Variants in ZNF782 observed in about 807,000 individuals in gnomAD.
The protein encoded by ZNF782 is zinc finger protein 782.
Under a neutral mutation model 13.0 loss-of-function variants are expected in ZNF782, and 12 were observed. The observed-to-expected ratio is 0.92, with a 90% confidence interval of 0.59 to 1.50. The LOEUF (loss-of-function observed/expected upper bound fraction) is 1.50. ZNF782 is among the 40% of genes most tolerant of loss of function. ZNF782 has a pLI of 0.00. For missense variants in ZNF782, 770 were observed against 822.9 expected, an observed-to-expected ratio of 0.94 and a Z score of 0.79; for synonymous variants, 284 against 283.0, an observed-to-expected ratio of 1.00 and a Z score of -0.04.
upstream of ZNF782, chr9:96,875,659 G>A: frequency 2.2e-6 from 1 of 453,158 alleles, no homozygotes; most frequent in South Asian, 1.6e-5. Flanking sequence ...AGCTCCACCT[G>A]CGTCCCCGGG....
At chr9:96,885,634 A>C in the ZNF782 span, among the ~76,000 whole-genome samples, 11 of 152,314 alleles carry the variant, frequency 7.2e-5, no homozygotes, top group South Asian at 2.1e-3. Flanking sequence ...CAGATTGAAG[A>C]ATCTGAGTGA....
chr9:96,888,788 C>T, the ZNF782 span: 1 of 152,252 alleles, frequency 6.6e-6, no homozygotes, highest in Admixed American at 6.5e-5. Flanking sequence ...TGCTCAGCAG[C>T]CTCAGTGGGG....
intron 3 of ZNF782, among the ~76,000 whole-genome samples, chr9:96,859,520 C>G (rs7032889): frequency 0.17 from 25,971 of 152,034 alleles, 5,375 homozygotes; most frequent in African/African-American, 0.48. Flanking sequence ...CTCTGGGCTA[C>G]AAGGGAACCT....
intron 3 of ZNF782, among the ~76,000 whole-genome samples, chr9:96,845,499 C>T (rs1025725566): frequency 1.1e-4 from 16 of 152,168 alleles, no homozygotes; most frequent in African/African-American, 2.4e-4. Context: ...CCTCATGATC[C>T]GCCCACCTTG....
chr9:96,850,578 G>C lies in ZNF782; in HGVS notation c.15+1369C>G, dbSNP rs934238851. On this transcript the variant is annotated intron_variant, in intron 3 of 5. Coordinates refer to ENST00000481138, the MANE Select transcript of ZNF782 (RefSeq NM_001001662.3). The surrounding 1 kb of genome is among the most constrained non-coding windows in gnomAD (Gnocchi z 4.3). ...AATGTACACTACTTGTCAGACCACG[G>C]GTGAACTAAAATCTCAGAATTCACC... Among the ~76,000 whole-genome samples the C allele has an allele frequency of 2.6e-5, 4 of 151,904 alleles. No individual in the cohort carries two copies. The highest frequency in any genetic ancestry group is 6.6e-5 in the Admixed American group (1 of 15,262).
At chr9:96,839,177 T>C (rs905144857) in intron 4 of ZNF782, among the ~76,000 whole-genome samples, 5 of 151,804 alleles carry the variant, frequency 3.3e-5, no homozygotes, top group Non-Finnish European at 5.9e-5. Context: ...TTTTTTTCCA[T>C]AGTGTTTAGC....
At chr9:96,854,908 G>GA (rs1366600418), upstream of ZNF782, among the ~76,000 whole-genome samples, 6 of 147,160 alleles carry the variant, frequency 4.1e-5, no homozygotes, top group South Asian at 2.2e-4. Flanking sequence ...GAATTTTGTA[G>GA]AAATTTTTTT....
intron 4 of ZNF782, among the ~76,000 whole-genome samples, chr9:96,829,173 T>C (rs1478543194): frequency 2.7e-5 from 4 of 146,752 alleles, no homozygotes; most frequent in East Asian, 2.0e-4. Context: ...AGAAGAAAAA[T>C]GGTACTATGA....
chr9:96,821,734 C>T (rs932146091), intron 5 of ZNF782, among the ~76,000 whole-genome samples: 3 of 149,782 alleles, frequency 2.0e-5, no homozygotes, highest in Non-Finnish European at 4.4e-5. Context: ...TGCAGTGGTG[C>T]GATCTCGGCT....
At chr9:96,826,497 T>A (rs1326436735) in intron 5 of ZNF782, among the ~76,000 whole-genome samples, 1 of 152,194 alleles carries the variant, frequency 6.6e-6, no homozygotes, top group South Asian at 2.1e-4. Flanking sequence ...CATGTATACA[T>A]ATGTACTAAC....
the ZNF782 span, chr9:96,928,926 G>A: frequency 7.5e-7 from 1 of 1,328,790 alleles, no homozygotes; most frequent in Non-Finnish European, 1.1e-6. Context: ...CTTGGACTCA[G>A]GAGGATCTGC....
chr9:96,921,883 G>A, the ZNF782 span, among the ~76,000 whole-genome samples: 2 of 150,910 alleles, frequency 1.3e-5, no homozygotes, highest in South Asian at 2.1e-4. Flanking sequence ...TAGTAGAGAC[G>A]GGGTTTCACC....
chr9:96,858,656 C>A (rs76490254), upstream of ZNF782, among the ~76,000 whole-genome samples: 161 of 152,286 alleles, frequency 1.1e-3, 2 homozygotes, highest in East Asian at 0.022. This position sits in a 1 kb window ranked among gnomAD's most constrained non-coding sequence, Gnocchi z 4.4. Context: ...TGAAGGAACA[C>A]CTCATATGAA....
chr9:96,840,695 T>C (rs1851160622), intron 4 of ZNF782, among the ~76,000 whole-genome samples: 2 of 152,102 alleles, frequency 1.3e-5, no homozygotes, highest in Admixed American at 1.3e-4. Context: ...AGAAGAAATA[T>C]GTCTTCTAGA....
At chr9:96,905,777 G>T in the ZNF782 span, among the ~76,000 whole-genome samples, 1 of 152,228 alleles carries the variant, frequency 6.6e-6, no homozygotes, top group African/African-American at 2.4e-5. Context: ...TGAGAGGCAG[G>T]GTTTCACCAT....
At chr9:96,881,082 C>A in the ZNF782 span, among the ~76,000 whole-genome samples, 1 of 152,140 alleles carries the variant, frequency 6.6e-6, no homozygotes, top group South Asian at 2.1e-4. Flanking sequence ...ACTTATTAAG[C>A]TTTTAATGTC....
At chr9:96,875,640 AGGGGGCGCAGCTCCACCT>A, upstream of ZNF782, 1 of 454,968 alleles carries the variant, frequency 2.2e-6, no homozygotes, top group Non-Finnish European at 4.4e-6. Flanking sequence ...CTGTTCCTAA[AGGGGGCGCAGCTCCACCT>A]GCGTCCCCGG....
the ZNF782 span, among the ~76,000 whole-genome samples, chr9:96,881,988 A>AGT: frequency 0.048 from 7,152 of 148,338 alleles, 372 homozygotes; most frequent in African/African-American, 0.13. Context: ...TGGAAGTATG[A>AGT]GTGTGTGTGT....
rs1850290243 is a variant in ZNF782, at chr9:96,818,832, A to G, written c.1191T>C (p.Pro397=). ...TCTCACTGAAGGCTTTCCCGCACTCAGGACATTCATAGGGTTTCTCCCCTG... is the reference window on the plus strand; with the variant it reads ...TCTCACTGAAGGCTTTCCCGCACTCGGGACATTCATAGGGTTTCTCCCCTG... ...SHTGEKPYEC[P]ECGKAFSEKS... Residue 397 remains proline (P), a synonymous_variant, in exon 6 of 6, where the codon CCT becomes CCC. Coordinates refer to ENST00000481138, the MANE Select transcript of ZNF782 (RefSeq NM_001001662.3). 5 of 1,614,118 alleles carry G rather than the reference A, an allele frequency of 3.1e-6. No individual in the cohort carries two copies. Among genetic ancestry groups the G allele is most frequent in the Non-Finnish European group, 4.2e-6 (5 of 1,180,018 alleles).
Sources: allele counts gnomAD v4.1 joint callset (sites outside exome capture counted in the v4.1 genomes callset), GRCh38; gene constraint gnomAD v4.1.1; non-coding constraint Gnocchi (gnomAD v3.1); transcripts MANE v1.5; gene names NCBI Gene and HGNC (gene_info 2026-07-23, HGNC 2026-07-21).